The following LHFPL3 variants were observed in gnomAD, a reference collection of about 807,000 sequenced individuals.
The protein encoded by LHFPL3 is LHFPL tetraspan subfamily member 3 protein.
In LHFPL3, 5 loss-of-function variants were observed where a neutral mutation model predicts 19.3. The observed-to-expected ratio is 0.26, with a 90% confidence interval of 0.14 to 0.54. The LOEUF is 0.54. Among genes scored for constraint, LHFPL3 ranks in the 20% least tolerant of loss-of-function variants. The pLI is 0.94. For missense variants in LHFPL3, 249 were observed against 307.4 expected, an observed-to-expected ratio of 0.81 and a Z score of 1.42; for synonymous variants, 133 against 126.2, an observed-to-expected ratio of 1.05 and a Z score of -0.36.
chr7:104,830,938 G>A (rs551855080), intron 2 of LHFPL3, among the ~76,000 whole-genome samples: 18 of 151,878 alleles, frequency 1.2e-4, no homozygotes, highest in African/African-American at 2.7e-4. Flanking sequence ...AGTCCTGGTC[G>A]GTTTACACCT....
At chr7:104,669,888 G>T (rs1792438038) in intron 1 of LHFPL3, among the ~76,000 whole-genome samples, 6 of 152,154 alleles carry the variant, frequency 3.9e-5, no homozygotes, top group Admixed American at 3.3e-4. Context: ...TAGCAGAAAT[G>T]GTAATGACAG....
At chr7:104,824,524 T>G (rs1562804740) in intron 2 of LHFPL3, among the ~76,000 whole-genome samples, 2 of 72,706 alleles carry the variant, frequency 2.8e-5, no homozygotes, top group Non-Finnish European at 2.3e-5. Context: ...ATATATTATT[T>G]TATATATAAT....
chr7:104,348,050 AT>A (rs138007003), intron 1 of LHFPL3, among the ~76,000 whole-genome samples: 10,404 of 152,290 alleles, frequency 0.068, 401 homozygotes, highest in Middle Eastern at 0.092. Flanking sequence ...AGTCAGTGCA[AT>A]GGGAGATCGT....
At position 104,906,079 on chromosome 7, in the gene LHFPL3, A is replaced by G. The variant is rs555229275; in HGVS notation, c.683-108A>G. 5.8e-5 allele frequency: 59 copies of G among 1,019,330 alleles called. No individual in the cohort carries two copies. The South Asian group carries it at 8.0e-4, about 14-fold the overall frequency. 63.1% of individuals were successfully genotyped at this position (1,019,330 alleles called of 1,614,324 possible). ...AAATGCATTTGAACCATTCATTGGTATAGTTTTTCCGTGACAAATATTATG... is the reference window on the plus strand; with the variant it reads ...AAATGCATTTGAACCATTCATTGGTGTAGTTTTTCCGTGACAAATATTATG... On this transcript the variant is annotated intron_variant, in intron 2 of 2. Coordinates refer to ENST00000424859, the MANE Select transcript of LHFPL3 (RefSeq NM_199000.3).
intron 2 of LHFPL3, among the ~76,000 whole-genome samples, chr7:104,839,718 G>A (rs991544627): frequency 6.6e-6 from 1 of 152,136 alleles, no homozygotes; most frequent in Non-Finnish European, 1.5e-5. Context: ...ATTTCTGGCT[G>A]TCCACAGAGG....
intron 2 of LHFPL3, among the ~76,000 whole-genome samples, chr7:104,764,764 G>A (rs560785246): frequency 1.3e-5 from 2 of 152,266 alleles, no homozygotes; most frequent in East Asian, 3.9e-4. Flanking sequence ...TGTGTTGTTA[G>A]TATTTATAAC....
chr7:104,710,539 A>G (rs1475784643), intron 1 of LHFPL3, among the ~76,000 whole-genome samples: 1 of 152,218 alleles, frequency 6.6e-6, no homozygotes, highest in Non-Finnish European at 1.5e-5. Flanking sequence ...CTGTAATTGT[A>G]TAATGGTTAA....
intron 1 of LHFPL3, among the ~76,000 whole-genome samples, chr7:104,718,397 C>T (rs2116238530): frequency 6.6e-6 from 1 of 152,230 alleles, no homozygotes; most frequent in Admixed American, 6.5e-5. Flanking sequence ...CCAAACGGGT[C>T]TTTTGGGCTT....
At chr7:104,360,331 C>T (rs570110973) in intron 1 of LHFPL3, among the ~76,000 whole-genome samples, 1 of 152,188 alleles carries the variant, frequency 6.6e-6, no homozygotes. Context: ...TTGCTGTGCA[C>T]CTGCTCATAT....
At chr7:104,588,076 CT>C (rs1194600695) in intron 1 of LHFPL3, among the ~76,000 whole-genome samples, 1 of 152,158 alleles carries the variant, frequency 6.6e-6, no homozygotes, top group African/African-American at 2.4e-5. Context: ...TGCCTGTTCA[CT>C]CTGATGGCAC....
rs1317895730 is a variant in LHFPL3, at chr7:104,869,294, A to G, written c.683-36893A>G. Among the ~76,000 whole-genome samples the G allele has an allele frequency of 9.8e-5, 15 of 152,368 alleles. No homozygotes were observed. The East Asian group carries it at 2.3e-3, about 23-fold the overall frequency. ...CAGCAAAAGAAACTACCATCAGGGT[A>G]AACAGGGAACCTACAGAATGGGAGA... On this transcript the variant is annotated intron_variant, in intron 2 of 2. Transcript: ENST00000424859.
chr7:104,546,434 G>T (rs911378897), intron 1 of LHFPL3, among the ~76,000 whole-genome samples: 1 of 152,106 alleles, frequency 6.6e-6, no homozygotes, highest in Non-Finnish European at 1.5e-5. Context: ...TGTAGTGAAG[G>T]TTCATAAAGC....
chr7:104,543,068 C>T lies in LHFPL3; in HGVS notation c.446-193607C>T, dbSNP rs1219752845. On this transcript the variant is annotated intron_variant, in intron 1 of 2. Coordinates refer to ENST00000424859, the MANE Select transcript of LHFPL3 (RefSeq NM_199000.3). ...AACACAGGAACAGAAAACCAAACAC[C>T]GCATGTTCTGACTCATTAAGTGTGA... 3.9e-5 allele frequency among the ~76,000 whole-genome samples: 6 copies of T among 152,156 alleles called. 1 individual carries two copies. The highest frequency in any genetic ancestry group is 7.2e-5 in the African/African-American group (3 of 41,542).
At chr7:104,464,064 C>T (rs189897161) in intron 1 of LHFPL3, among the ~76,000 whole-genome samples, 17 of 152,340 alleles carry the variant, frequency 1.1e-4, no homozygotes, top group Admixed American at 2.6e-4. Flanking sequence ...GGGGTACAGA[C>T]ATTGGGCAAA....
intron 1 of LHFPL3, among the ~76,000 whole-genome samples, chr7:104,400,194 T>G (rs1584294200): frequency 6.8e-6 from 1 of 146,174 alleles, no homozygotes; most frequent in South Asian, 2.2e-4. Flanking sequence ...GTTTTACAGG[T>G]TTATATCTTT....
chr7:104,620,663 T>TCC (rs1562951878), intron 1 of LHFPL3, among the ~76,000 whole-genome samples: 8 of 143,626 alleles, frequency 5.6e-5, no homozygotes, highest in Admixed American at 3.5e-4. Flanking sequence ...TGTAGCACTT[T>TCC]TCCCCCCAGT....
chr7:104,648,057 G>A lies in LHFPL3; in HGVS notation c.446-88618G>A, dbSNP rs141708228. Among the ~76,000 whole-genome samples, 18 of 152,342 alleles carry A rather than the reference G, an allele frequency of 1.2e-4. No homozygotes were observed. In the East Asian group the frequency reaches 3.5e-3, roughly 29 times the overall value. ...GAATGCCCCTAATGAGATAACTGGA[G>A]ATTAGTTTCTATTAGATATTTAGTG... On this transcript the variant is annotated intron_variant, in intron 1 of 2. Transcript: ENST00000424859.
At chr7:104,824,071 G>A (rs902629224) in intron 2 of LHFPL3, among the ~76,000 whole-genome samples, 115 of 134,066 alleles carry the variant, frequency 8.6e-4, no homozygotes, top group East Asian at 4.2e-4. Context: ...ACTTGAACCC[G>A]GGAGGCAGAG....
rs1442947587 is a variant in LHFPL3, at chr7:104,476,464, TA to T, written c.445+147241del. Among the ~76,000 whole-genome samples the T allele has an allele frequency of 2.2e-3, 317 of 146,946 alleles. 1 individual carries two copies. The highest frequency in any genetic ancestry group is 7.4e-3 in the African/African-American group (291 of 39,476). On this transcript the variant is annotated intron_variant, in intron 1 of 2. Transcript: ENST00000424859. ...TTTAGCTTCCCTCTTTTTTTTTTTT[TA>T]TTTTTATTTTTGAGATGAAGTTTTG...
Sources: allele counts gnomAD v4.1 joint callset (sites outside exome capture counted in the v4.1 genomes callset), GRCh38; gene constraint gnomAD v4.1.1; transcripts MANE v1.5; gene names NCBI Gene and HGNC (gene_info 2026-07-23, HGNC 2026-07-21).